The following GLIS3 variants were observed in gnomAD, a reference collection of about 807,000 sequenced individuals.
GLIS3 encodes GLIS family zinc finger 3, also known as zinc finger protein GLIS3.
Under a neutral mutation model 78.6 loss-of-function variants are expected in GLIS3, and 53 were observed. The observed-to-expected ratio is 0.67, with a 90% CI of 0.54 to 0.85. The LOEUF (loss-of-function observed/expected upper bound fraction) is 0.85. Ranked by LOEUF, GLIS3 falls within the 40% of genes least tolerant of loss-of-function variation. The probability of loss-of-function intolerance (pLI) is 0.00; values close to 1 mark genes in which losing one functional copy is unlikely to be tolerated. For synonymous variants in GLIS3, 684 were observed against 509.9 expected, an observed-to-expected ratio of 1.34 and a Z score of -4.60; for missense variants, 1,703 against 1,231.1, an observed-to-expected ratio of 1.38 and a Z score of -5.74.
At chr9:4,201,850 A>G (rs2131266051) in intron 2 of GLIS3, among the ~76,000 whole-genome samples, 1 of 152,286 alleles carries the variant, frequency 6.6e-6, no homozygotes, top group African/African-American at 2.4e-5. Context: ...TAAAATTCAC[A>G]TGAAGCCAGG....
chr9:4,355,048 T>G, the GLIS3 span, among the ~76,000 whole-genome samples: 2 of 151,578 alleles, frequency 1.3e-5, no homozygotes, highest in Non-Finnish European at 2.9e-5. Context: ...CCCTGGAGGC[T>G]TGAACCCGGG....
chr9:4,382,160 T>C, the GLIS3 span, among the ~76,000 whole-genome samples: 1 of 152,232 alleles, frequency 6.6e-6, no homozygotes, highest in African/African-American at 2.4e-5. Context: ...AAATCCCTTT[T>C]ATTTGAAACA....
At chr9:4,075,455 A>G (rs1160877332) in intron 4 of GLIS3, among the ~76,000 whole-genome samples, 1 of 150,096 alleles carries the variant, frequency 6.7e-6, no homozygotes, top group Non-Finnish European at 1.5e-5. Flanking sequence ...GGGTGCCTGT[A>G]CTCCCAGCTA....
chr9:4,210,006 G>A (rs948247296), intron 2 of GLIS3, among the ~76,000 whole-genome samples: 3 of 152,162 alleles, frequency 2.0e-5, no homozygotes, highest in Admixed American at 2.0e-4. Context: ...AAGATAGGCT[G>A]CACATTTCAG....
the GLIS3 span, among the ~76,000 whole-genome samples, chr9:4,357,418 G>A: frequency 2.2e-4 from 34 of 152,140 alleles, no homozygotes; most frequent in Non-Finnish European, 2.9e-5. Flanking sequence ...CTTGCCTTCA[G>A]TTTGGACTAG....
chr9:4,014,058 G>C (rs187864859), intron 4 of GLIS3, among the ~76,000 whole-genome samples: 1 of 152,156 alleles, frequency 6.6e-6, no homozygotes, highest in Non-Finnish European at 1.5e-5. Context: ...TGCAGAAGAG[G>C]CTTCACATGT....
rs540517745 is a variant in GLIS3 at position 4,103,832 on chromosome 9, T to G, written c.1710+13936A>C. Reference sequence around the variant, plus strand: ...GGAAGCATAAACACAAGTATATTGATGGCAGGCTAACTTGGAACAACCTCT... The same window carrying G: ...GGAAGCATAAACACAAGTATATTGAGGGCAGGCTAACTTGGAACAACCTCT... On this transcript the variant is annotated intron_variant, in intron 4 of 10. Transcript: ENST00000381971. 4.6e-5 allele frequency among the ~76,000 whole-genome samples: 7 copies of G among 152,318 alleles called. No individual in the cohort carries two copies. The East Asian group carries it at 1.4e-3, about 29-fold the overall frequency.
At chr9:4,125,706 A>C in intron 3 of GLIS3, 28 bp downstream of exon 3, 2 of 1,558,378 alleles carry the variant, frequency 1.3e-6, no homozygotes, top group Non-Finnish European at 1.8e-6. Flanking sequence ...TACCATAAAG[A>C]AAGGGGAAAA....
At chr9:4,133,874 A>ACACACACC (rs768664577) in intron 2 of GLIS3, among the ~76,000 whole-genome samples, 1,835 of 123,932 alleles carry the variant, frequency 0.015, 62 homozygotes, top group Admixed American at 0.018. Flanking sequence ...ACACACACAC[A>ACACACACC]CCGTACATCT....
At chr9:3,928,044 G>A (rs575684335) in intron 6 of GLIS3, among the ~76,000 whole-genome samples, 1 of 152,332 alleles carries the variant, frequency 6.6e-6, no homozygotes, top group South Asian at 2.1e-4. Flanking sequence ...TTTGAGGTGT[G>A]AGGTAAGTAA....
At chr9:4,251,006 G>C (rs559488950) in intron 2 of GLIS3, among the ~76,000 whole-genome samples, 1 of 152,160 alleles carries the variant, frequency 6.6e-6, no homozygotes, top group African/African-American at 2.4e-5. Context: ...TGCATTTGCT[G>C]AGGAGTGTTT....
In GLIS3 at chr9:4,125,727, T is replaced by G; in HGVS notation, c.596+7A>C. 6.2e-7 allele frequency: 1 copy of G among 1,611,294 alleles called. No homozygotes were observed. Among genetic ancestry groups the G allele is most frequent in the Non-Finnish European group, 8.5e-7 (1 of 1,178,460 alleles). On this transcript the variant is annotated splice_region_variant and intron_variant, in intron 3 of 10. Transcript: ENST00000381971. The stretch of plus-strand genomic sequence containing the variant: ...AAAGAAAGGGGAAAAAAAAGTTAAC[T>G]TGAGACCTGGTATCTGAAGGAGGTA...
chr9:4,065,707 A>G (rs910362382), intron 4 of GLIS3, among the ~76,000 whole-genome samples: 2 of 152,210 alleles, frequency 1.3e-5, no homozygotes, highest in Non-Finnish European at 2.9e-5. Flanking sequence ...TAAACTGACA[A>G]GCATAGAATT....
chr9:4,392,541 C>T, the GLIS3 span, among the ~76,000 whole-genome samples: 1 of 152,124 alleles, frequency 6.6e-6, no homozygotes, highest in Non-Finnish European at 1.5e-5. Context: ...AGTCAATTAC[C>T]TTTCACTATG....
At chr9:3,984,773 A>T (rs1455345136) in intron 4 of GLIS3, among the ~76,000 whole-genome samples, 2 of 152,112 alleles carry the variant, frequency 1.3e-5, no homozygotes, top group Non-Finnish European at 2.9e-5. Context: ...AACTCCCATA[A>T]TTCCCACATG....
chr9:4,255,731 G>C (rs1432430639), intron 2 of GLIS3, among the ~76,000 whole-genome samples: 1 of 151,968 alleles, frequency 6.6e-6, no homozygotes, highest in Non-Finnish European at 1.5e-5. Context: ...GAATAGGCAG[G>C]GCACAGAGGA....
intron 2 of GLIS3, among the ~76,000 whole-genome samples, chr9:4,187,961 C>G (rs1171772181): frequency 3.3e-5 from 5 of 152,064 alleles, no homozygotes; most frequent in Non-Finnish European, 7.4e-5. Flanking sequence ...ATCTGACTTC[C>G]TCTTTTCCTA....
intron 1 of GLIS3, among the ~76,000 whole-genome samples, chr9:4,347,932 G>T (rs1189260880): frequency 6.6e-6 from 1 of 152,116 alleles, no homozygotes; most frequent in African/African-American, 2.4e-5. Flanking sequence ...TAGGATATGT[G>T]TATTCTTACC....
intron 2 of GLIS3, among the ~76,000 whole-genome samples, chr9:4,270,369 A>T (rs910468820): frequency 1.1e-4 from 17 of 152,212 alleles, no homozygotes; most frequent in Admixed American, 1.0e-3. Context: ...AACAATACAC[A>T]TTTATCACCT....
Sources: gnomAD v4.1 joint callset for allele counts (sites outside exome capture counted in the v4.1 genomes callset) on GRCh38, gnomAD v4.1.1 for gene constraint, MANE v1.5 for transcripts, NCBI Gene and HGNC (gene_info 2026-07-23, HGNC 2026-07-21) for gene names.